ANO3: variants seen among roughly 807,000 people sequenced by gnomAD.
The protein encoded by ANO3 is anoctamin 3.
Under a neutral mutation model 144.8 loss-of-function variants are expected in ANO3, and 99 were observed. The ratio of observed to expected loss-of-function variants is 0.68; its 90% CI spans 0.58 to 0.81. ANO3 has a LOEUF of 0.81. Among genes scored for constraint, ANO3 ranks in the 30% least tolerant of loss-of-function variants. The pLI is 0.00. For missense variants in ANO3, 905 were observed against 1,202.2 expected (o/e 0.75, Z 3.66); for synonymous variants, 414 against 392.6 (o/e 1.05, Z -0.64).
intron 14 of ANO3, among the ~76,000 whole-genome samples, chr11:26,571,456 G>A (rs952180270): frequency 1.1e-4 from 17 of 152,038 alleles, no homozygotes; most frequent in African/African-American, 3.6e-4. Context: ...AGTTAGACAT[G>A]TACACATATC....
chr11:26,589,188 G>A (rs1176367035), intron 14 of ANO3, among the ~76,000 whole-genome samples: 1 of 152,182 alleles, frequency 6.6e-6, no homozygotes, highest in Non-Finnish European at 1.5e-5. Flanking sequence ...CAGCCAATTA[G>A]CATCTTTGCT....
intron 1 of ANO3, among the ~76,000 whole-genome samples, chr11:26,440,982 T>A (rs900666906): frequency 6.6e-6 from 1 of 152,068 alleles, no homozygotes; most frequent in East Asian, 1.9e-4. Flanking sequence ...GGGGGACTTC[T>A]GCTTTTGGAG....
chr11:26,435,095 G>T (rs917288641), intron 1 of ANO3, among the ~76,000 whole-genome samples: 1 of 152,118 alleles, frequency 6.6e-6, no homozygotes, highest in Non-Finnish European at 1.5e-5. Flanking sequence ...ATGAATCTGG[G>T]CGCTCCTATT....
intron 14 of ANO3, among the ~76,000 whole-genome samples, chr11:26,595,634 C>T (rs996119553): frequency 5.3e-5 from 8 of 151,878 alleles, no homozygotes; most frequent in Middle Eastern, 3.2e-3. Context: ...CTCAATCACC[C>T]GGGAGGAACC....
intron 1 of ANO3, among the ~76,000 whole-genome samples, chr11:26,396,032 G>A (rs188617309): frequency 7.2e-5 from 11 of 152,230 alleles, no homozygotes; most frequent in Non-Finnish European, 1.3e-4. Context: ...GAAAATTTTT[G>A]CAATCTATCC....
intron 14 of ANO3, among the ~76,000 whole-genome samples, chr11:26,566,659 A>T (rs1850597894): frequency 6.6e-6 from 1 of 151,858 alleles, no homozygotes; most frequent in Non-Finnish European, 1.5e-5. Context: ...TGTGTGTGGG[A>T]AAATAAGCTA....
chr11:26,360,012 AATAAT>A (rs1246819082), intron 1 of ANO3, among the ~76,000 whole-genome samples: 5 of 151,924 alleles, frequency 3.3e-5, no homozygotes, highest in African/African-American at 4.8e-5. Flanking sequence ...TTAATATATG[AATAAT>A]ATAAGTTCTA....
chr11:26,497,310 GT>G (rs1312118135), intron 4 of ANO3, among the ~76,000 whole-genome samples: 1 of 151,866 alleles, frequency 6.6e-6, no homozygotes, highest in Non-Finnish European at 1.5e-5. Flanking sequence ...ATTGTGAATA[GT>G]GCTCTTATAA....
At chr11:26,405,601 A>AT in intron 1 of ANO3, among the ~76,000 whole-genome samples, 1 of 151,890 alleles carries the variant, frequency 6.6e-6, no homozygotes. Flanking sequence ...TGCATAACTG[A>AT]TTATAAAGAA....
rs1565083052 is a variant in ANO3, at chr11:26,529,405, TAATATATAATA to T, written c.738-1798_738-1788del. On this transcript the variant is annotated intron_variant, in intron 7 of 26. Coordinates refer to ENST00000256737, the MANE Select transcript of ANO3 (RefSeq NM_031418.4). Reference sequence around the variant, plus strand: ...TTATATATTATTATATATTATATAATAATATATAATAATATATTATATTATTATATAATATC... The same window carrying T: ...TTATATATTATTATATATTATATAATATATATTATATTATTATATAATATC... Among the ~76,000 whole-genome samples the T allele has an allele frequency of 4.6e-3, 3 of 646 alleles. 1 individual carries two copies. Among genetic ancestry groups the T allele is most frequent in the Non-Finnish European group, 0.043 (2 of 46 alleles). The allele number at this position is 646 out of a possible 152,430, so 0.4% of individuals were successfully genotyped here. A position where few individuals can be genotyped will look rare whatever the true frequency, so the allele number is the denominator to read the frequency against.
intron 4 of ANO3, among the ~76,000 whole-genome samples, chr11:26,476,047 T>C (rs866558275): frequency 6.6e-6 from 1 of 152,108 alleles, no homozygotes; most frequent in Non-Finnish European, 1.5e-5. Flanking sequence ...TCCAGGTGAT[T>C]CTGATGCTAT....
At position 26,223,815 on chromosome 11, in the gene ANO3, C is replaced by T. The variant is rs113147047; in HGVS notation, c.154+34485C>T. ...AGGAGCAAGAGACAGAGTGGAGAGG[C>T]GCCACATTCTTTTAAACAACCGGAT... On this transcript the variant is annotated intron_variant, in intron 1 of 27. Coordinates refer to the ANO3 transcript ENST00000672621. Among the ~76,000 whole-genome samples the T allele has an allele frequency of 2.4e-3, 358 of 151,792 alleles. 8 individuals are homozygous for T. The highest frequency in any genetic ancestry group is 0.02 in the Admixed American group (302 of 15,244).
chr11:26,521,539 A>G (rs1862077098), intron 6 of ANO3, among the ~76,000 whole-genome samples: 1 of 152,148 alleles, frequency 6.6e-6, no homozygotes, highest in Non-Finnish European at 1.5e-5. Context: ...ACTTTTCTTT[A>G]AAGTAAATAT....
intron 1 of ANO3, among the ~76,000 whole-genome samples, chr11:26,290,248 G>T (rs187861024): frequency 6.6e-6 from 1 of 152,266 alleles, no homozygotes; most frequent in East Asian, 1.9e-4. Flanking sequence ...CGTGGGATCA[G>T]TGGTGATATC....
At chr11:26,216,407 T>C (rs1345610293) in intron 1 of ANO3, among the ~76,000 whole-genome samples, 1 of 152,056 alleles carries the variant, frequency 6.6e-6, no homozygotes, top group Non-Finnish European at 1.5e-5. Flanking sequence ...TTTGGAATCA[T>C]ACTATGCATT....
At chr11:26,245,067 T>C (rs1176364420) in intron 1 of ANO3, among the ~76,000 whole-genome samples, 1 of 148,262 alleles carries the variant, frequency 6.7e-6, no homozygotes, top group African/African-American at 2.5e-5. Flanking sequence ...TAAAAAATAA[T>C]TCCAACTTGC....
At chr11:26,230,748 G>T (rs1212042080) in intron 1 of ANO3, among the ~76,000 whole-genome samples, 2 of 119,392 alleles carry the variant, frequency 1.7e-5, no homozygotes, top group Non-Finnish European at 3.2e-5. Flanking sequence ...AGTGAGCCGA[G>T]ATCCCACTAC....
At chr11:26,214,901 A>G (rs888682743) in intron 1 of ANO3, among the ~76,000 whole-genome samples, 1 of 151,902 alleles carries the variant, frequency 6.6e-6, no homozygotes, top group African/African-American at 2.4e-5. Flanking sequence ...GATTACCTTA[A>G]CAGTTTTGAG....
At chr11:26,316,914 G>T (rs1229606206) in intron 1 of ANO3, among the ~76,000 whole-genome samples, 9 of 152,086 alleles carry the variant, frequency 5.9e-5, no homozygotes. Context: ...AATCCTACAT[G>T]CAACTTTGTA....
Sources: allele counts gnomAD v4.1 joint callset (sites outside exome capture counted in the v4.1 genomes callset), GRCh38; gene constraint gnomAD v4.1.1; transcripts MANE v1.5; gene names NCBI Gene and HGNC (gene_info 2026-07-23, HGNC 2026-07-21).